The following ALPL variants were observed in gnomAD, a reference collection of about 807,000 sequenced individuals.
ALPL encodes the protein alkaline phosphatase, tissue-nonspecific isozyme.
ALPL carries 42 observed loss-of-function variants against 51.3 expected under a neutral mutation model. That is an observed-to-expected ratio of 0.82 (90% CI 0.64 to 1.06). ALPL has a LOEUF of 1.06. Ranked by LOEUF, ALPL falls within the 50% of genes least tolerant of loss-of-function variation. The pLI is 0.00. For synonymous variants in ALPL, 279 were observed against 296.4 expected (o/e 0.94, Z 0.60); for missense variants, 589 against 709.4 (o/e 0.83, Z 1.93).
chr1:21,557,637 A>G (rs1380713490), intron 2 of ALPL, among the ~76,000 whole-genome samples: 1 of 152,190 alleles, frequency 6.6e-6, no homozygotes, highest in African/African-American at 2.4e-5. Context: ...TGGCACAATC[A>G]TGGCTTACTG....
intron 1 of ALPL, among the ~76,000 whole-genome samples, chr1:21,542,434 C>T (rs1173908166): frequency 2.6e-5 from 4 of 152,246 alleles, no homozygotes; most frequent in Non-Finnish European, 2.9e-5. Context: ...AGTGGTTCCT[C>T]TCACCGGGCA....
chr1:21,548,266 G>A (rs1644278087), intron 1 of ALPL, among the ~76,000 whole-genome samples: 2 of 152,250 alleles, frequency 1.3e-5, no homozygotes, highest in Admixed American at 6.5e-5. Flanking sequence ...CTCTGCGAGG[G>A]GGAGGGGTCC....
At chr1:21,555,127 G>A (rs981874958) in intron 2 of ALPL, among the ~76,000 whole-genome samples, 4 of 150,428 alleles carry the variant, frequency 2.7e-5, no homozygotes, top group Admixed American at 1.3e-4. Flanking sequence ...AAAAATTACA[G>A]TCAAAGGGGG....
chr1:21,569,252 G>A (rs888070876), intron 7 of ALPL, among the ~76,000 whole-genome samples: 15 of 152,172 alleles, frequency 9.9e-5, no homozygotes, highest in Non-Finnish European at 1.3e-4. Context: ...GTTTCTCTAC[G>A]TGGCACATGG....
rs1371260123 is a variant in ALPL, at chr1:21,554,267, A to G, written c.61+125A>G. 1.1e-5 allele frequency: 11 copies of G among 995,722 alleles called. No homozygotes were observed. In the Middle Eastern group the frequency reaches 1.2e-3, roughly 110 times the overall value. 61.7% of individuals were successfully genotyped at this position (995,722 alleles called of 1,614,324 possible). On this transcript the variant is annotated intron_variant, in intron 2 of 11. Coordinates refer to ENST00000374840, the MANE Select transcript of ALPL (RefSeq NM_000478.6). ...TTTAAGAGCTGAAAACAGTGTTCAG[A>G]GCAGGAAACCTCAGCCCTGCTACTT...
Position 21,568,250 on chromosome 1 carries a change from A to G in ALPL, c.792+3A>G. ...AGAGCTTCAAACCGAGATACAAGGTAGCCTGTGCTGGGGCCATGTGGCTGC... is the reference window on the plus strand; with the variant it reads ...AGAGCTTCAAACCGAGATACAAGGTGGCCTGTGCTGGGGCCATGTGGCTGC... On this transcript the variant is annotated splice_donor_region_variant and intron_variant, in intron 7 of 11. Coordinates refer to ENST00000374840, the MANE Select transcript of ALPL (RefSeq NM_000478.6). The G allele has an allele frequency of 6.2e-7, 1 of 1,614,070 alleles. No homozygotes were observed. Among genetic ancestry groups the G allele is most frequent in the Non-Finnish European group, 8.5e-7 (1 of 1,179,994 alleles).
chr1:21,577,247 T>C, intron 11 of ALPL, 136 bp from the exon 12 acceptor site: 1 of 1,417,348 alleles, frequency 7.1e-7, no homozygotes, highest in South Asian at 1.2e-5. Flanking sequence ...GCAAAATGAC[T>C]TTCCCACATT....
chr1:21,519,026 T>C (rs1408118637), intron 1 of ALPL, among the ~76,000 whole-genome samples: 1 of 152,248 alleles, frequency 6.6e-6, no homozygotes, highest in Middle Eastern at 3.2e-3. Flanking sequence ...TCTTTTTCTT[T>C]GTAATGCAAC....
intron 1 of ALPL, among the ~76,000 whole-genome samples, chr1:21,524,925 A>T (rs985622109): frequency 1.3e-5 from 2 of 152,176 alleles, no homozygotes; most frequent in African/African-American, 4.8e-5. Context: ...GGCCAGAGCA[A>T]TTAGCCTGGC....
At chr1:21,544,929 G>T (rs1045027192) in intron 1 of ALPL, among the ~76,000 whole-genome samples, 2 of 151,392 alleles carry the variant, frequency 1.3e-5, no homozygotes, top group African/African-American at 2.4e-5. Flanking sequence ...TTGTAAACAG[G>T]ACATTCCAAC....
chr1:21,535,443 C>G (rs1644092457), intron 1 of ALPL, among the ~76,000 whole-genome samples: 1 of 152,074 alleles, frequency 6.6e-6, no homozygotes, highest in Non-Finnish European at 1.5e-5. Context: ...GAGACCTTGT[C>G]TCTACTAAAA....
chr1:21,547,202 C>T (rs1248399643), intron 1 of ALPL, among the ~76,000 whole-genome samples: 3 of 152,250 alleles, frequency 2.0e-5, no homozygotes, highest in Non-Finnish European at 4.4e-5. Context: ...GGGCCCTCCC[C>T]CGGGGCTCAA....
chr1:21,513,825 C>T (rs1034791295), intron 1 of ALPL, among the ~76,000 whole-genome samples: 2 of 152,218 alleles, frequency 1.3e-5, no homozygotes, highest in Non-Finnish European at 2.9e-5. Flanking sequence ...CCATATGGGG[C>T]TATGTCCCTG....
rs1644482098 is a variant in ALPL at position 21,561,310 on chromosome 1, GC to G, written c.297+103del. 4.5e-5 allele frequency: 49 copies of G among 1,088,986 alleles called. No individual in the cohort carries two copies. The South Asian group carries it at 6.5e-4, about 15-fold the overall frequency. 67.5% of individuals were successfully genotyped at this position (1,088,986 alleles called of 1,614,324 possible). A position where few individuals can be genotyped will look rare whatever the true frequency, so the allele number is the denominator to read the frequency against. The stretch of plus-strand genomic sequence containing the variant: ...AGCCAGAGGTCCCCTGACCCCCTGA[GC>G]CCCCTCCATGCCCAAGCCCACTCCC... On this transcript the variant is annotated intron_variant, in intron 4 of 11. Transcript: ENST00000374840.
At chr1:21,560,785 C>T in intron 3 of ALPL, 40 bp downstream of exon 3, 1 of 1,613,232 alleles carries the variant, frequency 6.2e-7, no homozygotes, top group Non-Finnish European at 8.5e-7. Context: ...GAACAGGACA[C>T]CTAGCTAGGA....
chr1:21,565,398 G>A (rs1423017632), intron 6 of ALPL, among the ~76,000 whole-genome samples: 1 of 152,218 alleles, frequency 6.6e-6, no homozygotes, highest in Non-Finnish European at 1.5e-5. Context: ...CCCCACCTGT[G>A]CAGCAGAAAC....
chr1:21,560,964 A>C (rs1644476291), intron 3 of ALPL, 133 bp from the exon 4 acceptor site: 1 of 1,015,682 alleles, frequency 9.8e-7, no homozygotes. Flanking sequence ...GCTCACTGAC[A>C]TTTACAGAGC....
chr1:21,510,557 A>T (rs913253696), intron 1 of ALPL, among the ~76,000 whole-genome samples: 1 of 152,202 alleles, frequency 6.6e-6, no homozygotes, highest in South Asian at 2.1e-4. Flanking sequence ...CTGACATCTC[A>T]TGTACATCAT....
At chr1:21,557,447 C>T (rs905071274) in intron 2 of ALPL, among the ~76,000 whole-genome samples, 4 of 152,212 alleles carry the variant, frequency 2.6e-5, no homozygotes, top group Admixed American at 2.0e-4. Flanking sequence ...CATTTGCATC[C>T]CTGGGGGACC....
Sources: allele counts gnomAD v4.1 joint callset (sites outside exome capture counted in the v4.1 genomes callset), GRCh38; gene constraint gnomAD v4.1.1; transcripts MANE v1.5; gene names NCBI Gene and HGNC (gene_info 2026-07-23, HGNC 2026-07-21).